The following GHR variants were observed in gnomAD, a reference collection of about 807,000 sequenced individuals.
GHR encodes the protein GH receptor.
Under a neutral mutation model 67.1 loss-of-function variants are expected in GHR, and 35 were observed. That is an observed-to-expected ratio of 0.52 (90% CI 0.40 to 0.69). The LOEUF (loss-of-function observed/expected upper bound fraction) is 0.69. GHR is among the 30% of genes least tolerant of loss of function. The pLI is 0.00. For synonymous variants in GHR, 272 were observed against 269.1 expected, an observed-to-expected ratio of 1.01 and a Z score of -0.10; for missense variants, 792 against 764.6, an observed-to-expected ratio of 1.04 and a Z score of -0.42.
chr5:42,467,766 A>T (rs1744800787), intron 1 of GHR: 6 of 1,539,340 alleles, frequency 3.9e-6, no homozygotes, highest in African/African-American at 2.7e-5. Flanking sequence ...CGAGGTTTGC[A>T]CTCTGACTAA....
chr5:42,425,522 T>C (rs1159783036), intron 1 of GHR, among the ~76,000 whole-genome samples: 1 of 152,216 alleles, frequency 6.6e-6, no homozygotes, highest in African/African-American at 2.4e-5. Flanking sequence ...AGAAACAAAA[T>C]TGATGCAGCA....
intron 1 of GHR, among the ~76,000 whole-genome samples, chr5:42,450,382 A>G (rs890100073): frequency 2.6e-5 from 4 of 152,084 alleles, no homozygotes; most frequent in African/African-American, 9.7e-5. Flanking sequence ...GAATTTGTCC[A>G]TCTCCTCTAG....
chr5:42,449,008 C>A (rs1743937671), intron 1 of GHR, among the ~76,000 whole-genome samples: 1 of 152,164 alleles, frequency 6.6e-6, no homozygotes, highest in Non-Finnish European at 1.5e-5. Flanking sequence ...TATTTTTATA[C>A]CAGTGCCATG....
chr5:42,452,589 T>G (rs1744096123), intron 1 of GHR, among the ~76,000 whole-genome samples: 1 of 152,170 alleles, frequency 6.6e-6, no homozygotes, highest in Non-Finnish European at 1.5e-5. Context: ...ACTTTGTTCA[T>G]TTTTAAAAAT....
intron 1 of GHR, among the ~76,000 whole-genome samples, chr5:42,441,104 T>C (rs1225423219): frequency 2.0e-5 from 3 of 152,142 alleles, no homozygotes; most frequent in South Asian, 2.1e-4. Context: ...AGTGAGATCA[T>C]GTACAGAGTG....
At chr5:42,465,970 T>C (rs908771780) in intron 1 of GHR, 1 of 658,554 alleles carries the variant, frequency 1.5e-6, no homozygotes, top group East Asian at 2.6e-5. Context: ...CGTGAAGTTG[T>C]TGAGCAGGTC....
chr5:42,466,037 C>G (rs1744717940), intron 1 of GHR: 2 of 480,724 alleles, frequency 4.2e-6, no homozygotes, highest in Admixed American at 7.0e-5. Flanking sequence ...TTCCTCTAGG[C>G]AAGCTTTATT....
intron 1 of GHR, among the ~76,000 whole-genome samples, chr5:42,529,999 CTTTTTTTTTT>C (rs376534691): frequency 5.2e-5 from 3 of 57,566 alleles, no homozygotes; most frequent in African/African-American, 6.8e-5. Flanking sequence ...TGAATCACTT[CTTTTTTTTTT>C]TTTTTTTTTT....
intron 6 of GHR, among the ~76,000 whole-genome samples, chr5:42,703,724 T>C (rs1352327296): frequency 6.6e-6 from 1 of 152,024 alleles, no homozygotes; most frequent in Non-Finnish European, 1.5e-5. Context: ...CTTCATGTTT[T>C]ACAGTTTTCA....
At chr5:42,651,597 C>G (rs934260089) in intron 3 of GHR, among the ~76,000 whole-genome samples, 5 of 152,180 alleles carry the variant, frequency 3.3e-5, no homozygotes, top group African/African-American at 1.2e-4. Context: ...CCTCTCTCTG[C>G]TTCTCCATTT....
chr5:42,486,492 C>T (rs1348350264), intron 1 of GHR, among the ~76,000 whole-genome samples: 4 of 152,196 alleles, frequency 2.6e-5, no homozygotes, highest in Non-Finnish European at 4.4e-5. Context: ...TCAGATTCAA[C>T]TCAGCTGGCT....
chr5:42,631,737 G>C (rs923327819), intron 3 of GHR, among the ~76,000 whole-genome samples: 5 of 152,120 alleles, frequency 3.3e-5, no homozygotes, highest in Non-Finnish European at 7.4e-5. Flanking sequence ...CACGTTTCCT[G>C]TGTGTACTTT....
chr5:42,580,258 T>A (rs970455180), intron 2 of GHR, among the ~76,000 whole-genome samples: 1 of 152,222 alleles, frequency 6.6e-6, no homozygotes, highest in Non-Finnish European at 1.5e-5. Context: ...TATTATTTAC[T>A]GGGTACTATT....
chr5:42,641,846 C>T lies in GHR; in HGVS notation c.136+12743C>T, dbSNP rs183467807. On this transcript the variant is annotated intron_variant, in intron 3 of 9. Transcript: ENST00000230882. Reference sequence around the variant, plus strand: ...AACCAGAAAACCAGAGGAATATACACCAATTCCTTCCTGTCCTGCAAACCT... The same window carrying T: ...AACCAGAAAACCAGAGGAATATACATCAATTCCTTCCTGTCCTGCAAACCT... Among the ~76,000 whole-genome samples, 410 of 152,212 alleles carry T rather than the reference C, an allele frequency of 2.7e-3. 3 individuals are homozygous for T. Among genetic ancestry groups the T allele is most frequent in the African/African-American group, 9.4e-3 (391 of 41,526 alleles).
Position 42,719,467 on chromosome 5 carries a change from A to C in GHR, c.*43A>C, listed in dbSNP as rs1335894790. The C allele has an allele frequency of 6.3e-7, 1 of 1,583,660 alleles. No individual in the cohort carries two copies. Among genetic ancestry groups the C allele is most frequent in the Admixed American group, 1.7e-5 (1 of 60,010 alleles). ...AAGAGCTACGTATTTAATAGCAAAG[A>C]ATTGACTGGGGCAATAACGTTTAAG... is the stretch of plus-strand genomic sequence containing the variant. On this transcript the variant is annotated 3_prime_UTR_variant, in exon 10 of 10. Transcript: ENST00000230882.
intron 2 of GHR, among the ~76,000 whole-genome samples, chr5:42,574,077 A>G (rs1450037094): frequency 6.6e-6 from 1 of 152,226 alleles, no homozygotes; most frequent in Non-Finnish European, 1.5e-5. Flanking sequence ...CATTTAGGAC[A>G]TATAATTTCT....
chr5:42,674,703 ATACTT>A (rs551120845), intron 3 of GHR, among the ~76,000 whole-genome samples: 1 of 152,264 alleles, frequency 6.6e-6, no homozygotes, highest in South Asian at 2.1e-4. Flanking sequence ...TTTTAAGACA[ATACTT>A]TATTATAGGA....
At chr5:42,433,284 T>C (rs187317167) in intron 1 of GHR, among the ~76,000 whole-genome samples, 30 of 152,226 alleles carry the variant, frequency 2.0e-4, no homozygotes, top group Admixed American at 1.3e-3. Context: ...TCGGTGCATA[T>C]AGGGAGAGAA....
intron 2 of GHR, among the ~76,000 whole-genome samples, chr5:42,609,789 T>A (rs1001089283): frequency 6.6e-6 from 1 of 152,204 alleles, no homozygotes. Flanking sequence ...GAAAAAGATA[T>A]CCTTTGAAAT....
Sources: gnomAD v4.1 joint callset for allele counts (sites outside exome capture counted in the v4.1 genomes callset) on GRCh38, gnomAD v4.1.1 for gene constraint, MANE v1.5 for transcripts, NCBI Gene and HGNC (gene_info 2026-07-23, HGNC 2026-07-21) for gene names.